The following SLC25A40 variants were observed in gnomAD, a reference collection of about 807,000 sequenced individuals.
The protein encoded by SLC25A40 is mitochondrial glutathione transporter SLC25A40.
In SLC25A40, 41 loss-of-function variants were observed where a neutral mutation model predicts 46.5. The ratio of observed to expected loss-of-function variants is 0.88; its 90% CI spans 0.69 to 1.14. The LOEUF is 1.14. Ranked by LOEUF, SLC25A40 falls within the 50% of genes most tolerant of loss-of-function variation. The pLI, the probability that SLC25A40 is intolerant of heterozygous loss-of-function variation, is 0.00. For synonymous variants in SLC25A40, 126 were observed against 127.5 expected (o/e 0.99, Z 0.08); for missense variants, 386 against 393.6 (o/e 0.98, Z 0.16).
chr7:87,853,677 C>A (rs1376107626), intron 5 of SLC25A40, among the ~76,000 whole-genome samples: 1 of 152,118 alleles, frequency 6.6e-6, no homozygotes, highest in African/African-American at 2.4e-5. Context: ...AAAATGCCAA[C>A]CCCAAAAGGT....
At chr7:87,846,890 A>T (rs1838429916) in intron 8 of SLC25A40, 59 bp downstream of exon 8, 2 of 1,378,420 alleles carry the variant, frequency 1.5e-6, no homozygotes, top group African/African-American at 1.4e-5. Context: ...AGTGACAGTA[A>T]TATTTGAATG....
At chr7:87,867,129 T>C (rs1483363933) in intron 1 of SLC25A40, among the ~76,000 whole-genome samples, 1 of 152,264 alleles carries the variant, frequency 6.6e-6, no homozygotes, top group African/African-American at 2.4e-5. Flanking sequence ...TCTCAGACCT[T>C]CCTATAACTG....
intron 1 of SLC25A40, among the ~76,000 whole-genome samples, chr7:87,872,114 TTATC>T (rs1302064345): frequency 6.6e-6 from 1 of 152,336 alleles, no homozygotes; most frequent in Non-Finnish European, 1.5e-5. Flanking sequence ...TCTTCCAAAT[TTATC>T]TATAGATTCA....
chr7:87,855,506 T>C (rs1584331013), intron 4 of SLC25A40, among the ~76,000 whole-genome samples: 1 of 152,218 alleles, frequency 6.6e-6, no homozygotes, highest in African/African-American at 2.4e-5. Flanking sequence ...GCCAAAATTG[T>C]CTTCTCTGCC....
intron 9 of SLC25A40, among the ~76,000 whole-genome samples, chr7:87,843,089 GT>G (rs531833590): frequency 2.6e-5 from 4 of 151,904 alleles, no homozygotes; most frequent in African/African-American, 9.7e-5. Flanking sequence ...CTTCGCTATT[GT>G]TTTTATGTGG....
intron 2 of SLC25A40, 50 bp from the exon 3 acceptor site, chr7:87,858,801 A>G (rs1455230645): frequency 6.4e-5 from 65 of 1,014,146 alleles, no homozygotes; most frequent in Non-Finnish European, 9.7e-5. Context: ...ATCTTTCAAA[A>G]ATGATAACAT....
intron 1 of SLC25A40, among the ~76,000 whole-genome samples, chr7:87,863,943 A>G (rs1838746169): frequency 1.3e-5 from 2 of 152,278 alleles, no homozygotes; most frequent in Non-Finnish European, 2.9e-5. Context: ...GACTGAGAAC[A>G]TGTGATGTTT....
At chr7:87,873,478 G>T (rs904455825) in intron 1 of SLC25A40, among the ~76,000 whole-genome samples, 1 of 136,432 alleles carries the variant, frequency 7.3e-6, no homozygotes, top group African/African-American at 2.9e-5. Flanking sequence ...TGTTGCCCAC[G>T]CTGGAGTGCA....
intron 4 of SLC25A40, among the ~76,000 whole-genome samples, chr7:87,854,717 CAGG>C (rs1372898710): frequency 2.8e-5 from 4 of 144,942 alleles, no homozygotes; most frequent in Admixed American, 7.2e-5. Flanking sequence ...GAGGCTGAGG[CAGG>C]AGAATGGCGT....
At chr7:87,863,414 A>G (rs1838738129) in intron 1 of SLC25A40, among the ~76,000 whole-genome samples, 1 of 151,912 alleles carries the variant, frequency 6.6e-6, no homozygotes, top group South Asian at 2.1e-4. Flanking sequence ...CCTTGCTGCC[A>G]CCATGTGAAG....
In SLC25A40 at chr7:87,847,895, T is replaced by A. The variant is rs1012969379; in HGVS notation, c.415A>T (p.Asn139Tyr). The change falls in exon 7 of 12, where the codon AAT (asparagine) becomes TAT (tyrosine). Residue 139 changes from asparagine (N) to tyrosine (Y), a missense_variant. By Grantham distance (143) the Asn-to-Tyr change is moderately radical. Coordinates refer to ENST00000341119, the MANE Select transcript of SLC25A40 (RefSeq NM_018843.4). ...SALLRSKLGE[N>Y]ETCIPIVAGI... ...GCAACAATTGGTATGCAGGTTTCATTTTCTCCTAACTTAGATCTCAGAAGA... is the reference window on the plus strand; with the variant it reads ...GCAACAATTGGTATGCAGGTTTCATATTCTCCTAACTTAGATCTCAGAAGA... 1 of 1,612,036 alleles carries A rather than the reference T, an allele frequency of 6.2e-7. No homozygotes were observed. Among genetic ancestry groups the A allele is most frequent in the African/African-American group, 1.3e-5 (1 of 75,004 alleles).
At chr7:87,840,282 C>A (rs139163748) in intron 10 of SLC25A40, among the ~76,000 whole-genome samples, 82 of 151,782 alleles carry the variant, frequency 5.4e-4, no homozygotes, top group African/African-American at 2.0e-3. Flanking sequence ...ACTTAGGGAT[C>A]ATCTTCAAAA....
At chr7:87,864,767 C>T (rs540802408) in intron 1 of SLC25A40, among the ~76,000 whole-genome samples, 2 of 152,224 alleles carry the variant, frequency 1.3e-5, no homozygotes, top group Non-Finnish European at 2.9e-5. Flanking sequence ...TCCATTTAGC[C>T]ATTCTGTGTC....
chr7:87,851,951 T>C (rs181657542), intron 5 of SLC25A40, among the ~76,000 whole-genome samples: 1 of 152,314 alleles, frequency 6.6e-6, no homozygotes, highest in East Asian at 1.9e-4. Flanking sequence ...TTTAAAAAGA[T>C]AGGCTTAAGT....
intron 4 of SLC25A40, among the ~76,000 whole-genome samples, chr7:87,854,854 A>C (rs938053064): frequency 1.4e-5 from 2 of 146,174 alleles, no homozygotes; most frequent in African/African-American, 5.1e-5. Flanking sequence ...TAGTGGATTT[A>C]TGTTTTCAGA....
In SLC25A40 at chr7:87,834,467, C is replaced by T. The variant is rs772799284; in HGVS notation, c.*1782G>A. 1.9e-4 allele frequency: 29 copies of T among 151,298 alleles called. No individual in the cohort carries two copies. Among genetic ancestry groups the T allele is most frequent in the Non-Finnish European group, 4.0e-4 (27 of 67,644 alleles). 9.4% of individuals were successfully genotyped at this position (151,298 alleles called of 1,614,324 possible). Reference sequence around the variant, plus strand: ...GCCTTCTATTCATCCAGATACATTGCATGTATATGTGTTAAAAAAACGACT... The same window carrying T: ...GCCTTCTATTCATCCAGATACATTGTATGTATATGTGTTAAAAAAACGACT... On this transcript the variant is annotated 3_prime_UTR_variant, in exon 12 of 12. Transcript: ENST00000341119.
chr7:87,847,272 G>A, intron 7 of SLC25A40, 150 bp from the exon 8 acceptor site: 1 of 546,708 alleles, frequency 1.8e-6, no homozygotes, highest in Non-Finnish European at 2.9e-6. Context: ...GTGTCATGAT[G>A]TCAACATAAT....
At chr7:87,845,799 T>C (rs1838407760) in intron 8 of SLC25A40, among the ~76,000 whole-genome samples, 1 of 152,120 alleles carries the variant, frequency 6.6e-6, no homozygotes. Context: ...TAAAATGAGA[T>C]ACCACTTTAA....
chr7:87,868,246 T>C (rs1169135025), intron 1 of SLC25A40, among the ~76,000 whole-genome samples: 2 of 152,220 alleles, frequency 1.3e-5, no homozygotes, highest in African/African-American at 4.8e-5. Flanking sequence ...GTGCACTTGG[T>C]GCCAGAAGAC....
Sources: gnomAD v4.1 joint callset for allele counts (sites outside exome capture counted in the v4.1 genomes callset) on GRCh38, gnomAD v4.1.1 for gene constraint, MANE v1.5 for transcripts, NCBI Gene and HGNC (gene_info 2026-07-23, HGNC 2026-07-21) for gene names.